COL13A1: variants seen among roughly 807,000 people sequenced by gnomAD.
COL13A1 encodes collagen alpha-1(XIII) chain.
Under a neutral mutation model 130.9 loss-of-function variants are expected in COL13A1, and 89 were observed. The ratio of observed to expected loss-of-function variants is 0.68; its 90% CI spans 0.57 to 0.81. The LOEUF (loss-of-function observed/expected upper bound fraction) is 0.81, where lower values mean the gene tolerates loss of function less well. Ranked by LOEUF, COL13A1 falls within the 30% of genes least tolerant of loss-of-function variation. COL13A1 has a pLI of 0.00. For synonymous variants in COL13A1, 402 were observed against 341.6 expected, an observed-to-expected ratio of 1.18 and a Z score of -1.95; for missense variants, 879 against 934.6, an observed-to-expected ratio of 0.94 and a Z score of 0.78.
chr10:69,851,991 C>T (rs547723435), intron 2 of COL13A1, among the ~76,000 whole-genome samples: 1 of 152,328 alleles, frequency 6.6e-6, no homozygotes, highest in African/African-American at 2.4e-5. Context: ...AGGTGGCTGA[C>T]AGCTGCTGTA....
intron 17 of COL13A1, among the ~76,000 whole-genome samples, chr10:69,909,743 A>G (rs1264042929): frequency 1.3e-5 from 2 of 152,228 alleles, no homozygotes; most frequent in Admixed American, 1.3e-4. Flanking sequence ...AGTGATCACC[A>G]TGATCAGGCA....
At chr10:69,852,351 G>A (rs1216607985) in intron 2 of COL13A1, among the ~76,000 whole-genome samples, 1 of 152,192 alleles carries the variant, frequency 6.6e-6, no homozygotes, top group Non-Finnish European at 1.5e-5. Flanking sequence ...TGCTTATTAT[G>A]TGTCAGGTAC....
intron 2 of COL13A1, among the ~76,000 whole-genome samples, chr10:69,827,931 T>C (rs1404832024): frequency 1.3e-5 from 2 of 152,214 alleles, no homozygotes; most frequent in Admixed American, 6.5e-5. Flanking sequence ...GTGGTCCTTC[T>C]TATTTCAGAC....
At chr10:69,803,201 G>A (rs1179861882) in intron 1 of COL13A1, among the ~76,000 whole-genome samples, 2 of 152,238 alleles carry the variant, frequency 1.3e-5, no homozygotes, top group East Asian at 3.9e-4. Context: ...AGTTCTTGCA[G>A]GGGGTGGTGC....
intron 12 of COL13A1, among the ~76,000 whole-genome samples, 165 bp downstream of exon 12, chr10:69,894,866 A>ACATCCTTTTCTTGGAGTGAGGGGT (rs1352843382): frequency 6.6e-6 from 1 of 152,152 alleles, no homozygotes; most frequent in East Asian, 1.9e-4. Flanking sequence ...GCTCCAGGGG[A>ACATCCTTTTCTTGGAGTGAGGGGT]CATCCTTTTC....
At chr10:69,852,206 C>T (rs919679654) in intron 2 of COL13A1, among the ~76,000 whole-genome samples, 1 of 152,174 alleles carries the variant, frequency 6.6e-6, no homozygotes, top group Non-Finnish European at 1.5e-5. Flanking sequence ...ATTCCAGCCC[C>T]GTCTACTATA....
At chr10:69,811,701 C>A (rs980002620) in intron 1 of COL13A1, among the ~76,000 whole-genome samples, 3 of 152,104 alleles carry the variant, frequency 2.0e-5, no homozygotes, top group African/African-American at 7.2e-5. Context: ...ACCTCAGTGA[C>A]GGGGAGCTCA....
At chr10:69,921,845 A>T (rs749451029) in intron 21 of COL13A1, 37 bp from the exon 22 acceptor site, 2 of 1,588,040 alleles carry the variant, frequency 1.3e-6, no homozygotes, top group South Asian at 1.2e-5. Flanking sequence ...CTGCAGAAAC[A>T]GTTCCTAACC....
intron 5 of COL13A1, among the ~76,000 whole-genome samples, chr10:69,875,743 G>C (rs11817122): frequency 0.016 from 2,474 of 152,364 alleles, 72 homozygotes; most frequent in African/African-American, 0.057. Context: ...GATGGAGAGG[G>C]TGTTTCCCAG....
At chr10:69,912,755 C>T (rs1005266452) in intron 17 of COL13A1, among the ~76,000 whole-genome samples, 19 of 152,214 alleles carry the variant, frequency 1.2e-4, no homozygotes, top group Non-Finnish European at 2.4e-4. Context: ...TGGGAGCTGA[C>T]CGTAAAGCCC....
chr10:69,878,016 T>C (rs1320256748), intron 5 of COL13A1, 23 bp from the exon 6 acceptor site: 17 of 702,932 alleles, frequency 2.4e-5, no homozygotes, highest in South Asian at 1.5e-5. Context: ...TCCTGCACCC[T>C]GTGTTGCATG....
At chr10:69,852,928 C>A (rs974803956) in intron 2 of COL13A1, among the ~76,000 whole-genome samples, 6 of 152,232 alleles carry the variant, frequency 3.9e-5, no homozygotes, top group African/African-American at 7.2e-5. Flanking sequence ...TGGAGACCAC[C>A]CAGACTTTTT....
At chr10:69,817,447 G>A (rs188496485) in intron 1 of COL13A1, among the ~76,000 whole-genome samples, 292 of 151,916 alleles carry the variant, frequency 1.9e-3, no homozygotes, top group Non-Finnish European at 3.5e-3. Context: ...GTGGTTTGGG[G>A]AGAGGAAGTG....
At position 69,808,229 on chromosome 10, in the gene COL13A1, C is replaced by T. The variant is rs1333613695; in HGVS notation, c.294+5512C>T. ...AGCATCTCAAACACCATTCCATCTG[C>T]CCTAAGCACAGCTTTACGGTTTGAT... On this transcript the variant is annotated intron_variant, in intron 1 of 40. Transcript: ENST00000645393. Among the ~76,000 whole-genome samples the T allele has an allele frequency of 5.3e-5, 8 of 152,246 alleles. No homozygotes were observed. The East Asian group carries it at 1.5e-3, about 29-fold the overall frequency.
intron 22 of COL13A1, 22 bp downstream of exon 22, chr10:69,921,957 G>A (rs756429284): frequency 1.8e-5 from 28 of 1,594,462 alleles, no homozygotes; most frequent in Non-Finnish European, 1.9e-5. Context: ...TCTGAATGGA[G>A]GGTTCAAGTC....
Position 69,887,332 on chromosome 10 carries a change from A to AGT in COL13A1, c.514-121_514-120dup. On this transcript the variant is annotated intron_variant, in intron 7 of 40. Transcript: ENST00000645393. The stretch of plus-strand genomic sequence containing the variant: ...CCCTCCCAACCCACTAACCACAGTG[A>AGT]GTGTCCCCCAAGGACGATCACACAA... The AGT allele has an allele frequency of 4.3e-6, 4 of 929,338 alleles. No homozygotes were observed. In the South Asian group the frequency reaches 6.0e-5, roughly 14 times the overall value. The allele number at this position is 929,338 out of a possible 1,614,324, so 57.6% of individuals were successfully genotyped here.
chr10:69,834,404 C>T lies in COL13A1; in HGVS notation c.364+11966C>T, dbSNP rs1038709252. Among the ~76,000 whole-genome samples, 11 of 152,258 alleles carry T rather than the reference C, an allele frequency of 7.2e-5. No homozygotes were observed. In the East Asian group the frequency reaches 2.1e-3, roughly 29 times the overall value. On this transcript the variant is annotated intron_variant, in intron 2 of 40. Coordinates refer to ENST00000645393, the MANE Select transcript of COL13A1 (RefSeq NM_001368882.1). ...AACGAGAGGGAGGTTGCAGAGGTAA[C>T]ATTAGCAAGTTCTAGCTACCTACTA...
intron 33 of COL13A1, 130 bp from the exon 34 acceptor site, chr10:69,937,505 T>C (rs2067092659): frequency 1.6e-6 from 1 of 607,758 alleles, no homozygotes; most frequent in East Asian, 2.8e-5. Flanking sequence ...ATTCTTGGTA[T>C]CCTCAGCCTG....
chr10:69,935,078 GT>G (rs112108347), intron 31 of COL13A1, among the ~76,000 whole-genome samples: 37 of 147,052 alleles, frequency 2.5e-4, no homozygotes, highest in Admixed American at 1.1e-3. Flanking sequence ...TGTTTTTTTT[GT>G]TTTTTTTTTT....
Sources: gnomAD v4.1 joint callset for allele counts (sites outside exome capture counted in the v4.1 genomes callset) on GRCh38, gnomAD v4.1.1 for gene constraint, MANE v1.5 for transcripts, NCBI Gene and HGNC (gene_info 2026-07-23, HGNC 2026-07-21) for gene names.